The following ATP10D variants were observed in gnomAD, a reference collection of about 807,000 sequenced individuals.
The protein encoded by ATP10D is phospholipid-transporting ATPase VD.
In ATP10D, 89 loss-of-function variants were observed where a neutral mutation model predicts 144.8. That is an observed-to-expected ratio of 0.61 (90% CI 0.52 to 0.73). ATP10D has a LOEUF of 0.73. Ranked by LOEUF, ATP10D falls within the 30% of genes least tolerant of loss-of-function variation. The probability of loss-of-function intolerance (pLI) is 0.00; values close to 1 mark genes in which losing one functional copy is unlikely to be tolerated. For synonymous variants in ATP10D, 571 were observed against 615.1 expected, an observed-to-expected ratio of 0.93 and a Z score of 1.06; for missense variants, 1,603 against 1,714.8, an observed-to-expected ratio of 0.93 and a Z score of 1.15.
intron 5 of ATP10D, among the ~76,000 whole-genome samples, chr4:47,530,810 A>G (rs1371214273): frequency 6.6e-6 from 1 of 152,194 alleles, no homozygotes; most frequent in Non-Finnish European, 1.5e-5. Flanking sequence ...TGATTTGTAT[A>G]TGTTAAACTA....
At chr4:47,498,171 G>A (rs1715496301) in intron 1 of ATP10D, among the ~76,000 whole-genome samples, 1 of 152,188 alleles carries the variant, frequency 6.6e-6, no homozygotes, top group Non-Finnish European at 1.5e-5. Flanking sequence ...TTGAACCCAT[G>A]ACTCGGAAAT....
At chr4:47,512,886 A>T (rs557154231) in intron 2 of ATP10D, 56 bp downstream of exon 2, 14 of 1,470,606 alleles carry the variant, frequency 9.5e-6, no homozygotes, top group Non-Finnish European at 1.3e-5. Flanking sequence ...GATATATAAC[A>T]TATTTTTCAT....
At chr4:47,565,087 T>C (rs537053572) in intron 15 of ATP10D, among the ~76,000 whole-genome samples, 189 of 152,194 alleles carry the variant, frequency 1.2e-3, no homozygotes, top group African/African-American at 4.3e-3. Context: ...GCCTCCCGAG[T>C]AGCTGGGACT....
At chr4:47,528,271 C>G (rs910234237) in intron 5 of ATP10D, among the ~76,000 whole-genome samples, 2 of 151,894 alleles carry the variant, frequency 1.3e-5, no homozygotes, top group African/African-American at 4.8e-5. Flanking sequence ...TTGGAGTCCC[C>G]AGTGTCTATT....
rs117219662 is a variant in ATP10D, at chr4:47,530,222, G to A, written c.776+4580G>A. ...GTGAGAGTAGGCCTCTTGTCGAACC[G>A]GAACAACGGTTATTAGGGGGAATGC... On this transcript the variant is annotated intron_variant, in intron 5 of 22. Coordinates refer to ENST00000273859, the MANE Select transcript of ATP10D (RefSeq NM_020453.4). Among the ~76,000 whole-genome samples the A allele has an allele frequency of 1.3e-4, 20 of 152,086 alleles. No homozygotes were observed. The East Asian group carries it at 3.7e-3, about 28-fold the overall frequency.
intron 9 of ATP10D, among the ~76,000 whole-genome samples, chr4:47,546,105 A>G (rs1718408368): frequency 6.6e-6 from 1 of 152,246 alleles, no homozygotes; most frequent in African/African-American, 2.4e-5. Context: ...TCTGTTGGAT[A>G]TTACTAAGGG....
At chr4:47,495,616 C>T (rs2109384222) in intron 1 of ATP10D, among the ~76,000 whole-genome samples, 1 of 152,154 alleles carries the variant, frequency 6.6e-6, no homozygotes, top group Admixed American at 6.5e-5. Flanking sequence ...TGAAATTCTT[C>T]CATGTTTATA....
rs750757311 is a variant in ATP10D, at chr4:47,536,907, G to A, written c.1365G>A (p.Val455=). 21 of 1,611,382 alleles carry A rather than the reference G, an allele frequency of 1.3e-5. No individual in the cohort carries two copies. The highest frequency in any genetic ancestry group is 1.7e-5 in the Non-Finnish European group (20 of 1,179,108). ...ENKMVFRRCS[V]AGFDYCHEEN... is the part of the protein sequence containing the mutation. ...AGATGGTTTTTCGAAGATGTAGTGT[G>A]GCAGGATTTGATTACTGCCATGAAG... Residue 455 remains valine (V), a synonymous_variant, in exon 9 of 23, where the codon GTG becomes GTA. Coordinates refer to ENST00000273859, the MANE Select transcript of ATP10D (RefSeq NM_020453.4).
rs1395047482 is a variant in ATP10D at position 47,592,022 on chromosome 4, T to A, written c.*641T>A. On this transcript the variant is annotated 3_prime_UTR_variant, in exon 23 of 23. Coordinates refer to ENST00000273859, the MANE Select transcript of ATP10D (RefSeq NM_020453.4). ...CCTCTCACTCATTTCAATGTTTTCC[T>A]GAGGTGGAGCCTTCATTGGAAAGGG... is the stretch of plus-strand genomic sequence containing the variant. 2 of 152,208 alleles carry A rather than the reference T, an allele frequency of 1.3e-5. No homozygotes were observed. The highest frequency in any genetic ancestry group is 2.9e-5 in the Non-Finnish European group (2 of 67,998). The allele number at this position is 152,208 out of a possible 1,614,324, so 9.4% of individuals were successfully genotyped here.
rs1491102481 is a variant in ATP10D, at chr4:47,487,230, CCA to C, written c.-38+1712_-38+1713del. ...GGCAACAAGAGCAAAACTCCGTCCC[CCA>C]AAAAAAAAAAAAAAAAAATAGAATC... On this transcript the variant is annotated intron_variant, in intron 1 of 22. Transcript: ENST00000273859. Among the ~76,000 whole-genome samples the C allele has an allele frequency of 4.1e-4, 10 of 24,484 alleles. No homozygotes were observed. The South Asian group carries it at 6.3e-3, about 15-fold the overall frequency. 16.1% of individuals were successfully genotyped at this position (24,484 alleles called of 152,430 possible). A position where few individuals can be genotyped will look rare whatever the true frequency, so the allele number is the denominator to read the frequency against.
At chr4:47,589,609 G>A (rs1577716083) in intron 22 of ATP10D, among the ~76,000 whole-genome samples, 2 of 151,978 alleles carry the variant, frequency 1.3e-5, no homozygotes, top group South Asian at 2.1e-4. Context: ...AGCAAATAAT[G>A]ACCAGTGTGT....
At chr4:47,575,944 T>TTTG (rs1720209148) in intron 18 of ATP10D, among the ~76,000 whole-genome samples, 1 of 144,592 alleles carries the variant, frequency 6.9e-6, no homozygotes, top group Non-Finnish European at 1.5e-5. Context: ...TTTTTTTTTT[T>TTTG]TTTTTGAGAC....
In ATP10D at chr4:47,565,015, A is replaced by G. The variant is rs529610303; in HGVS notation, c.2853+1250A>G. Among the ~76,000 whole-genome samples, 1,199 of 152,304 alleles carry G rather than the reference A, an allele frequency of 7.9e-3. 18 individuals are homozygous for G. Among genetic ancestry groups the G allele is most frequent in the African/African-American group, 0.027 (1,110 of 41,570 alleles). On this transcript the variant is annotated intron_variant, in intron 15 of 22. Transcript: ENST00000273859. ...TTGAGGCAGCCCAGGCTGGAGCGCT[A>G]TGGCGCGATCTCGGCTCACTGCAAG...
At chr4:47,514,209 T>C (rs1716508982) in intron 2 of ATP10D, among the ~76,000 whole-genome samples, 1 of 152,266 alleles carries the variant, frequency 6.6e-6, no homozygotes, top group African/African-American at 2.4e-5. Flanking sequence ...ATGTTCCATA[T>C]GCATTTATTA....
At chr4:47,561,181 G>A in intron 14 of ATP10D, 106 bp downstream of exon 14, 1 of 1,423,246 alleles carries the variant, frequency 7.0e-7, no homozygotes, top group Non-Finnish European at 9.7e-7. Flanking sequence ...AACATATATG[G>A]TTCTGCCTAC....
intron 9 of ATP10D, 146 bp downstream of exon 9, chr4:47,537,084 A>T: frequency 1.0e-6 from 1 of 962,358 alleles, no homozygotes; most frequent in South Asian, 1.9e-5. Context: ...TTTAAACTTC[A>T]TTGTTGTTCC....
At chr4:47,584,918 G>C (rs1295529865) in intron 21 of ATP10D, among the ~76,000 whole-genome samples, 1 of 152,072 alleles carries the variant, frequency 6.6e-6, no homozygotes, top group Non-Finnish European at 1.5e-5. Context: ...GCAAGATTAG[G>C]AGAGAAAAGA....
chr4:47,578,164 A>G (rs1029472077), intron 19 of ATP10D: 1 of 152,218 alleles, frequency 6.6e-6, no homozygotes, highest in African/African-American at 2.4e-5. Context: ...GCATGTAGCT[A>G]TTGATAAAAG....
At chr4:47,530,845 A>G (rs996682652) in intron 5 of ATP10D, among the ~76,000 whole-genome samples, 3 of 152,210 alleles carry the variant, frequency 2.0e-5, no homozygotes, top group Non-Finnish European at 4.4e-5. Flanking sequence ...GAATAAAACC[A>G]TGTGATCATG....
Sources: allele counts gnomAD v4.1 joint callset (sites outside exome capture counted in the v4.1 genomes callset), GRCh38; gene constraint gnomAD v4.1.1; transcripts MANE v1.5; gene names NCBI Gene and HGNC (gene_info 2026-07-23, HGNC 2026-07-21).